PAQR8: variants seen among roughly 807,000 people sequenced by gnomAD.
PAQR8 encodes membrane progestin receptor beta.
A neutral mutation model predicts 25.2 loss-of-function variants in PAQR8; 17 were observed. That is an observed-to-expected ratio of 0.67 (90% CI 0.46 to 1.01). The LOEUF is 1.01. PAQR8 is among the 50% of genes least tolerant of loss of function. PAQR8 has a pLI of 0.00. For missense variants in PAQR8, 392 were observed against 448.4 expected, an observed-to-expected ratio of 0.87 and a Z score of 1.14; for synonymous variants, 204 against 190.6, an observed-to-expected ratio of 1.07 and a Z score of -0.58.
intron 1 of PAQR8, among the ~76,000 whole-genome samples, chr6:52,368,652 C>T (rs989384914): frequency 6.6e-6 from 1 of 152,176 alleles, no homozygotes; most frequent in Non-Finnish European, 1.5e-5. Context: ...AAATTTACCT[C>T]ATTCAATATT....
chr6:52,391,405 T>A (rs1468749518), intron 1 of PAQR8, among the ~76,000 whole-genome samples: 1 of 152,260 alleles, frequency 6.6e-6, no homozygotes, highest in African/African-American at 2.4e-5. Context: ...TTTTTGGATG[T>A]CGAAATTCTG....
intron 1 of PAQR8, among the ~76,000 whole-genome samples, chr6:52,399,237 G>A (rs1446284384): frequency 6.6e-6 from 1 of 152,098 alleles, no homozygotes; most frequent in African/African-American, 2.4e-5. Flanking sequence ...AAAATAACTT[G>A]TCAACATAAA....
intron 1 of PAQR8, among the ~76,000 whole-genome samples, chr6:52,379,052 G>T (rs911969096): frequency 5.5e-5 from 8 of 145,664 alleles, no homozygotes; most frequent in Admixed American, 4.9e-4. Flanking sequence ...AGCCAAGATC[G>T]TGCCACTGCA....
chr6:52,393,157 T>C (rs952180068), intron 1 of PAQR8, among the ~76,000 whole-genome samples: 11 of 152,140 alleles, frequency 7.2e-5, no homozygotes, highest in African/African-American at 2.2e-4. Flanking sequence ...GGACAAGTTA[T>C]GTAATCTCTC....
intron 1 of PAQR8, among the ~76,000 whole-genome samples, chr6:52,363,451 T>C (rs753294133): frequency 6.6e-6 from 1 of 152,194 alleles, no homozygotes; most frequent in Non-Finnish European, 1.5e-5. Context: ...CCCGTGTGTG[T>C]GCGCGCCTTA....
intron 1 of PAQR8, among the ~76,000 whole-genome samples, chr6:52,366,894 C>T (rs181202523): frequency 3.9e-5 from 6 of 152,204 alleles, no homozygotes; most frequent in East Asian, 1.9e-4. Context: ...GGATTGCAGG[C>T]GCGCACCACC....
At chr6:52,402,798 C>T (rs78808557) in intron 1 of PAQR8, among the ~76,000 whole-genome samples, 2,458 of 151,978 alleles carry the variant, frequency 0.016, 25 homozygotes, top group South Asian at 0.048. Flanking sequence ...GGATCCTAGC[C>T]GGCCTGGTGG....
intron 1 of PAQR8, among the ~76,000 whole-genome samples, chr6:52,380,095 G>C (rs1192053769): frequency 6.6e-6 from 1 of 152,192 alleles, no homozygotes; most frequent in Non-Finnish European, 1.5e-5. Context: ...AAAATAACAT[G>C]TTAAGTCACA....
intron 1 of PAQR8, among the ~76,000 whole-genome samples, chr6:52,368,439 G>A (rs2113933562): frequency 6.6e-6 from 1 of 152,126 alleles, no homozygotes; most frequent in African/African-American, 2.4e-5. Flanking sequence ...TTGGGTGTGA[G>A]TTGAGGGTCA....
chr6:52,390,532 C>A (rs751087156), intron 1 of PAQR8, among the ~76,000 whole-genome samples: 1 of 151,342 alleles, frequency 6.6e-6, no homozygotes, highest in African/African-American at 2.4e-5. Flanking sequence ...GTGTACCTTA[C>A]TTTTTTTTTA....
At position 52,374,059 on chromosome 6, in the gene PAQR8, C is replaced by G. The variant is rs147171104; in HGVS notation, c.-53+11810C>G. Among the ~76,000 whole-genome samples, 181 of 152,250 alleles carry G rather than the reference C, an allele frequency of 1.2e-3. 3 individuals carry two copies. The highest frequency in any genetic ancestry group is 7.7e-4 in the East Asian group (4 of 5,176). On this transcript the variant is annotated intron_variant, in intron 1 of 1. Transcript: ENST00000442253. ...CCCCACTCCCTCTCTTACTCCTGTT[C>G]CAGCATTGTGAAGTACTTGCTCCCC... is the stretch of plus-strand genomic sequence containing the variant.
At position 52,390,965 on chromosome 6, in the gene PAQR8, T is replaced by G. The variant is rs1452577258; in HGVS notation, c.-52-12197T>G. On this transcript the variant is annotated intron_variant, in intron 1 of 1. Transcript: ENST00000442253. ...GTAGTACTAACTTTTGCTTTCCAAT[T>G]ACAAAAGTAGTAAATGTTTGTTGTT... Among the ~76,000 whole-genome samples, 3 of 152,246 alleles carry G rather than the reference T, an allele frequency of 2.0e-5. 1 individual carries two copies. Among genetic ancestry groups the G allele is most frequent in the Admixed American group, 2.0e-4 (3 of 15,282 alleles).
chr6:52,363,621 G>A (rs547718971), intron 1 of PAQR8, among the ~76,000 whole-genome samples: 1 of 152,320 alleles, frequency 6.6e-6, no homozygotes, highest in African/African-American at 2.4e-5. Flanking sequence ...TTCCAGTCGA[G>A]TTAAACATGA....
In PAQR8 at chr6:52,379,619, C is replaced by CTTTTTTTTTTTTTTTTTTTTT. The variant is rs909812638; in HGVS notation, c.-53+17375_-53+17395dup. Among the ~76,000 whole-genome samples, 41 of 77,230 alleles carry CTTTTTTTTTTTTTTTTTTTTT rather than the reference C, an allele frequency of 5.3e-4. 4 individuals carry two copies. The highest frequency in any genetic ancestry group is 9.1e-4 in the Non-Finnish European group (36 of 39,774). The allele number at this position is 77,230 out of a possible 152,430, so 50.7% of individuals were successfully genotyped here. On this transcript the variant is annotated intron_variant, in intron 1 of 1. Transcript: ENST00000442253. ...GGTGCGTACCGCCACACCCAGCTTT[C>CTTTTTTTTTTTTTTTTTTTTT]TTTTTTTTTTTTTTTTTTTTTTTTT...
rs1262568866 is a variant in PAQR8, at chr6:52,362,769, C to T, written c.-53+520C>T. On this transcript the variant is annotated intron_variant, in intron 1 of 1. Coordinates refer to ENST00000442253, the MANE Select transcript of PAQR8 (RefSeq NM_133367.5). The surrounding 1 kb of genome is among the most constrained non-coding windows in gnomAD (Gnocchi z 4.1). ...AGGGGAGTGCGGAGGAGAGGAAGCCCGGGGCGGTAGGGAGAGCCCGAGGAA... is the reference window on the plus strand; with the variant it reads ...AGGGGAGTGCGGAGGAGAGGAAGCCTGGGGCGGTAGGGAGAGCCCGAGGAA... Among the ~76,000 whole-genome samples, 1 of 152,054 alleles carries T rather than the reference C, an allele frequency of 6.6e-6. No homozygotes were observed. Among genetic ancestry groups the T allele is most frequent in the Admixed American group, 6.5e-5 (1 of 15,284 alleles).
At chr6:52,368,290 T>C (rs114037706) in intron 1 of PAQR8, among the ~76,000 whole-genome samples, 1 of 152,300 alleles carries the variant, frequency 6.6e-6, no homozygotes, top group Non-Finnish European at 1.5e-5. Flanking sequence ...CTAGAAACCA[T>C]TGGTACTGTG....
intron 1 of PAQR8, among the ~76,000 whole-genome samples, chr6:52,391,685 A>G (rs988018419): frequency 5.3e-5 from 8 of 152,240 alleles, no homozygotes; most frequent in African/African-American, 1.4e-4. Context: ...TGCTTAAAGC[A>G]CAGTTCCAGT....
chr6:52,399,417 A>C (rs1444944326), intron 1 of PAQR8, among the ~76,000 whole-genome samples: 1 of 152,196 alleles, frequency 6.6e-6, no homozygotes, highest in East Asian at 1.9e-4. Context: ...TCCAATCGCT[A>C]AACTACTAAA....
chr6:52,398,582 C>T lies in PAQR8; in HGVS notation c.-52-4580C>T, dbSNP rs554487650. Among the ~76,000 whole-genome samples, 9 of 149,306 alleles carry T rather than the reference C, an allele frequency of 6.0e-5. No individual in the cohort carries two copies. The South Asian group carries it at 1.7e-3, about 28-fold the overall frequency. ...CTTGTTGTTGTTTTTGAGATGAAGT[C>T]TCGCTTTGTCACCCAGGCTGGAGTG... is the stretch of plus-strand genomic sequence containing the variant. On this transcript the variant is annotated intron_variant, in intron 1 of 1. Transcript: ENST00000442253.
Sources: allele counts gnomAD v4.1 joint callset (sites outside exome capture counted in the v4.1 genomes callset), GRCh38; gene constraint gnomAD v4.1.1; non-coding constraint Gnocchi (gnomAD v3.1); transcripts MANE v1.5; gene names NCBI Gene and HGNC (gene_info 2026-07-23, HGNC 2026-07-21).